The following NRXN3 variants were observed in gnomAD, a reference collection of about 807,000 sequenced individuals.
NRXN3 encodes neurexin 3.
NRXN3 carries 32 observed loss-of-function variants against 137.6 expected under a neutral mutation model. The ratio of observed to expected loss-of-function variants is 0.23; its 90% CI spans 0.18 to 0.31. The LOEUF (loss-of-function observed/expected upper bound fraction) is 0.31. Among genes scored for constraint, NRXN3 ranks in the 10% least tolerant of loss-of-function variants. The pLI is 1.00. For missense variants in NRXN3, 1,574 were observed against 2,062.5 expected (o/e 0.76, Z 4.59); for synonymous variants, 798 against 784.5 (o/e 1.02, Z -0.29).
At chr14:78,687,646 G>C (rs2098135614) in intron 6 of NRXN3, among the ~76,000 whole-genome samples, 1 of 152,172 alleles carries the variant, frequency 6.6e-6, no homozygotes, top group South Asian at 2.1e-4. Flanking sequence ...GCTTTGCTTT[G>C]TTTATTATTG....
At chr14:79,115,351 C>G (rs569414829) in intron 15 of NRXN3, among the ~76,000 whole-genome samples, 1 of 149,656 alleles carries the variant, frequency 6.7e-6, no homozygotes, top group South Asian at 2.1e-4. Flanking sequence ...AGAAAAAAAG[C>G]CCAAACTAAA....
chr14:79,746,954 G>A (rs769360978), intron 19 of NRXN3, among the ~76,000 whole-genome samples: 1 of 152,036 alleles, frequency 6.6e-6, no homozygotes, highest in Non-Finnish European at 1.5e-5. Context: ...AAGTTCTCCT[G>A]ACACTTTACC....
chr14:78,418,410 A>G (rs990526551), intron 4 of NRXN3, among the ~76,000 whole-genome samples: 1 of 152,180 alleles, frequency 6.6e-6, no homozygotes, highest in Non-Finnish European at 1.5e-5. Context: ...ATCTTGGAGT[A>G]AATTCCAGAG....
At chr14:78,946,668 G>A (rs1413312571) in intron 10 of NRXN3, among the ~76,000 whole-genome samples, 1 of 152,088 alleles carries the variant, frequency 6.6e-6, no homozygotes, top group East Asian at 1.9e-4. Flanking sequence ...GGAACTCAGG[G>A]TGCATGGAGG....
At chr14:79,359,098 C>T (rs1271020227) in intron 15 of NRXN3, among the ~76,000 whole-genome samples, 1 of 152,154 alleles carries the variant, frequency 6.6e-6, no homozygotes, top group South Asian at 2.1e-4. Context: ...AATGGGATAA[C>T]ATTTGTATTA....
At chr14:78,902,049 T>C (rs1478247668) in intron 10 of NRXN3, among the ~76,000 whole-genome samples, 1 of 152,152 alleles carries the variant, frequency 6.6e-6, no homozygotes, top group African/African-American at 2.4e-5. Context: ...TCAGTACCGA[T>C]CTACCTTGTA....
chr14:78,446,024 G>A (rs1046769087), intron 4 of NRXN3, among the ~76,000 whole-genome samples: 1 of 152,118 alleles, frequency 6.6e-6, no homozygotes, highest in Admixed American at 6.5e-5. Context: ...CTTCGGCATA[G>A]ACCCCATGCC....
At chr14:78,197,220 A>G (rs895137157) in intron 1 of NRXN3, among the ~76,000 whole-genome samples, 5 of 152,214 alleles carry the variant, frequency 3.3e-5, no homozygotes, top group African/African-American at 9.7e-5. Context: ...CTCTTCGCTC[A>G]GTGGCGTGCA....
chr14:79,568,429 CCTCT>C (rs1484693915), intron 16 of NRXN3, among the ~76,000 whole-genome samples: 9 of 152,242 alleles, frequency 5.9e-5, no homozygotes, highest in Non-Finnish European at 8.8e-5. Context: ...AATGAATTCA[CCTCT>C]CTAAGATTAT....
intron 15 of NRXN3, among the ~76,000 whole-genome samples, chr14:79,116,666 T>C (rs772382451): frequency 2.1e-4 from 32 of 152,198 alleles, no homozygotes; most frequent in Admixed American, 4.6e-4. Flanking sequence ...ATGATGATGT[T>C]TCTCTGGTGT....
chr14:79,104,257 C>T (rs2051933878), intron 15 of NRXN3, among the ~76,000 whole-genome samples: 1 of 152,182 alleles, frequency 6.6e-6, no homozygotes, highest in Admixed American at 6.6e-5. Flanking sequence ...ACATATTTCC[C>T]TTCCTCTGGC....
chr14:79,040,705 T>C (rs928844549), intron 15 of NRXN3, among the ~76,000 whole-genome samples: 1 of 152,180 alleles, frequency 6.6e-6, no homozygotes, highest in African/African-American at 2.4e-5. Context: ...GGTTGCCATT[T>C]TTACAGTTGA....
At chr14:79,806,938 TTA>T (rs1296037210) in intron 20 of NRXN3, among the ~76,000 whole-genome samples, 2,449 of 58,032 alleles carry the variant, frequency 0.042, 151 homozygotes, top group East Asian at 0.074. Flanking sequence ...GGCTTTAATT[TTA>T]TATATATATA....
At chr14:79,801,572 A>G (rs768280941) in intron 19 of NRXN3, among the ~76,000 whole-genome samples, 2 of 152,204 alleles carry the variant, frequency 1.3e-5, no homozygotes, top group Non-Finnish European at 2.9e-5. Flanking sequence ...ATCCCAGGTC[A>G]CTTTCTGAAT....
rs868515973 is a variant in NRXN3, at chr14:78,244,689, T to G, written c.709+887T>G. Among the ~76,000 whole-genome samples the G allele has an allele frequency of 9.8e-5, 15 of 152,332 alleles. No individual in the cohort carries two copies. In the Middle Eastern group the frequency reaches 0.014, roughly 138 times the overall value. ...CAGGCCCTTCTTACCTTTTTGTTTT[T>G]GGCAATGAGGATTTCTCACATGAGG... is the stretch of plus-strand genomic sequence containing the variant. On this transcript the variant is annotated intron_variant, in intron 2 of 20. Transcript: ENST00000335750.
intron 14 of NRXN3, among the ~76,000 whole-genome samples, chr14:78,976,439 T>G (rs971990092): frequency 6.6e-6 from 1 of 152,174 alleles, no homozygotes; most frequent in African/African-American, 2.4e-5. Flanking sequence ...TCAGATGCCT[T>G]GGAAATCTCA....
chr14:78,891,819 T>A (rs1305608271), intron 10 of NRXN3, among the ~76,000 whole-genome samples: 1 of 152,014 alleles, frequency 6.6e-6, no homozygotes, highest in African/African-American at 2.4e-5. Flanking sequence ...CAATAAATAT[T>A]TGTTAAATGA....
chr14:78,986,412 A>G (rs573905656), intron 14 of NRXN3, among the ~76,000 whole-genome samples: 5 of 152,282 alleles, frequency 3.3e-5, no homozygotes, highest in African/African-American at 1.2e-4. Context: ...AAATGTCAGT[A>G]AAAGAGAGAG....
chr14:78,408,275 A>C (rs533719697), intron 4 of NRXN3, among the ~76,000 whole-genome samples: 1 of 152,198 alleles, frequency 6.6e-6, no homozygotes, highest in Non-Finnish European at 1.5e-5. Context: ...ATCTAAGCCT[A>C]TGCAATGCTA....
Sources: gnomAD v4.1 joint callset for allele counts (sites outside exome capture counted in the v4.1 genomes callset) on GRCh38, gnomAD v4.1.1 for gene constraint, MANE v1.5 for transcripts, NCBI Gene and HGNC (gene_info 2026-07-23, HGNC 2026-07-21) for gene names.